SLC8B1: variants seen among roughly 807,000 people sequenced by gnomAD.
The protein encoded by SLC8B1 is solute carrier family 8 member B1.
Under a neutral mutation model 63.4 loss-of-function variants are expected in SLC8B1, and 52 were observed. The ratio of observed to expected loss-of-function variants is 0.82; its 90% confidence interval spans 0.66 to 1.03. The LOEUF (loss-of-function observed/expected upper bound fraction) is 1.03, where lower values mean the gene tolerates loss of function less well. SLC8B1 is among the 50% of genes least tolerant of loss of function. SLC8B1 has a pLI of 0.00. For missense variants in SLC8B1, 657 were observed against 741.7 expected (o/e 0.89, Z 1.33); for synonymous variants, 336 against 323.9 (o/e 1.04, Z -0.40).
chr12:113,319,193 C>T lies in SLC8B1; in HGVS notation c.695-122G>A, dbSNP rs373152909. The T allele has an allele frequency of 1.1e-3, 756 of 712,048 alleles. 15 individuals are homozygous for T. In the South Asian group the frequency reaches 0.012, roughly 11 times the overall value. 44.1% of individuals were successfully genotyped at this position (712,048 alleles called of 1,614,324 possible). A position where few individuals can be genotyped will look rare whatever the true frequency, so the allele number is the denominator to read the frequency against. The stretch of plus-strand genomic sequence containing the variant: ...CAATCTGTGTTAGCCCATCCAGGTA[C>T]CAGTGGGTAAATGGCCTTTTCCTTG... On this transcript the variant is annotated intron_variant, in intron 7 of 15. Transcript: ENST00000680972.
intron 13 of SLC8B1, 63 bp downstream of exon 13, chr12:113,307,628 G>C: frequency 1.3e-6 from 2 of 1,562,782 alleles, no homozygotes; most frequent in Non-Finnish European, 1.7e-6. Context: ...TCTGGCTGGG[G>C]GAGGAAAGAG....
At chr12:113,308,082 ACCGCCTG>A in intron 12 of SLC8B1, 2 of 426,916 alleles carry the variant, frequency 4.7e-6, no homozygotes, top group Admixed American at 4.2e-5. Flanking sequence ...ACGGTGGCTC[ACCGCCTG>A]TAATCGCAGC....
At chr12:113,315,540 T>C in intron 10 of SLC8B1, 64 bp from the exon 11 acceptor site, 1 of 1,472,012 alleles carries the variant, frequency 6.8e-7, no homozygotes, top group South Asian at 1.4e-5. Context: ...CGGCCACAGA[T>C]GGACTTCAGT....
intron 2 of SLC8B1, among the ~76,000 whole-genome samples, chr12:113,329,769 C>A (rs1250931937): frequency 2.6e-5 from 4 of 152,178 alleles, no homozygotes; most frequent in African/African-American, 9.7e-5. Context: ...CAACTCAATA[C>A]CTTGGAATTC....
chr12:113,311,449 C>CAA (rs796106526), intron 11 of SLC8B1, among the ~76,000 whole-genome samples: 13 of 141,972 alleles, frequency 9.2e-5, no homozygotes, highest in African/African-American at 3.3e-4. Flanking sequence ...GACTCCATCT[C>CAA]AAAAAAAAAA....
At chr12:113,326,683 CTTT>C (rs561363613) in intron 2 of SLC8B1, among the ~76,000 whole-genome samples, 1 of 144,772 alleles carries the variant, frequency 6.9e-6, no homozygotes, top group African/African-American at 2.5e-5. Flanking sequence ...CTTTCTCTCT[CTTT>C]TTTTTTTTTT....
chr12:113,329,251 G>A (rs1227023829), intron 2 of SLC8B1, among the ~76,000 whole-genome samples: 1 of 152,142 alleles, frequency 6.6e-6, no homozygotes, highest in Non-Finnish European at 1.5e-5. Context: ...AGGCAAAGTG[G>A]CTTGCCCAGG....
intron 15 of SLC8B1, 51 bp from the exon 16 acceptor site, chr12:113,300,025 C>A: frequency 6.4e-7 from 1 of 1,556,276 alleles, no homozygotes; most frequent in East Asian, 2.3e-5. Context: ...TCACAGGCCC[C>A]GCCCCGTCTG....
At chr12:113,317,214 C>T (rs1359586520) in intron 8 of SLC8B1, among the ~76,000 whole-genome samples, 3 of 152,146 alleles carry the variant, frequency 2.0e-5, no homozygotes, top group Non-Finnish European at 4.4e-5. Flanking sequence ...ATCCTCCCAC[C>T]TCAACCTCCC....
intron 8 of SLC8B1, among the ~76,000 whole-genome samples, chr12:113,317,301 G>A (rs544009806): frequency 7.9e-5 from 12 of 152,206 alleles, no homozygotes; most frequent in African/African-American, 2.9e-4. Flanking sequence ...TGTTGGCCTG[G>A]CTGGTCTCAA....
intron 2 of SLC8B1, among the ~76,000 whole-genome samples, chr12:113,332,421 T>A (rs1957068989): frequency 6.6e-6 from 1 of 152,168 alleles, no homozygotes; most frequent in South Asian, 2.1e-4. Context: ...CCTGCCACCA[T>A]GCCCAGCTAA....
rs150854719 is a variant in SLC8B1 at position 113,299,824 on chromosome 12, C to A, written c.1708G>T (p.Val570Leu). The change falls in exon 16 of 16, where the codon GTG becomes TTG. Residue 570 changes from valine (V) to leucine (L), a missense_variant. By Grantham distance (32) the Val-to-Leu change is conservative. Coordinates refer to ENST00000680972, the MANE Select transcript of SLC8B1 (RefSeq NM_001358345.2). ...ACTCCAAATTCAGTGAGGAGGGCCA[C>A]GACAAGGAAGTTCAGGTAGAAGAGG... ...LLLFYLNFLV[V>L]ALLTEFGVIH... The A allele has an allele frequency of 1.2e-6, 2 of 1,614,178 alleles. No individual in the cohort carries two copies. The highest frequency in any genetic ancestry group is 1.7e-6 in the Non-Finnish European group (2 of 1,180,042).
Position 113,316,536 on chromosome 12 carries a change from T to C in SLC8B1, c.983A>G (p.Lys328Arg), listed in dbSNP as rs748301456. Residue 328 changes from lysine to arginine, a missense_variant, in exon 10 of 16, where the codon AAG (lysine) becomes AGG (arginine). By Grantham distance (26) the Lys-to-Arg change is conservative. Transcript: ENST00000680972. ...RRKSAYWKAL[K>R]VFKLPVEFLL... The stretch of plus-strand genomic sequence containing the variant: ...CCAGGACCCTCCTACCTTGAACACC[T>C]TGAGGGCTTTCCAGTATGCTGATTT... 8.7e-6 allele frequency: 14 copies of C among 1,614,096 alleles called. No homozygotes were observed. Among genetic ancestry groups the C allele is most frequent in the Non-Finnish European group, 7.6e-6 (9 of 1,179,954 alleles).
Position 113,331,223 on chromosome 12 carries a change from C to G in SLC8B1, c.156+1500G>C, listed in dbSNP as rs564717999. 2.5e-4 allele frequency among the ~76,000 whole-genome samples: 38 copies of G among 151,882 alleles called. No individual in the cohort carries two copies. The South Asian group carries it at 6.0e-3, about 24-fold the overall frequency. ...CCAACATGGTGAAACCCTGTTTCTA[C>G]TAAAAATACAAAAAAATTAGCCAGG... is the stretch of plus-strand genomic sequence containing the variant. On this transcript the variant is annotated intron_variant, in intron 2 of 15. Transcript: ENST00000680972.
rs1956529527 is a variant in SLC8B1, at chr12:113,299,126, C to G, written c.*651G>C. 1 of 153,764 alleles carries G rather than the reference C, an allele frequency of 6.5e-6. No individual in the cohort carries two copies. The highest frequency in any genetic ancestry group is 2.4e-5 in the African/African-American group (1 of 41,480). The allele number at this position is 153,764 out of a possible 1,614,324, so 9.5% of individuals were successfully genotyped here. On this transcript the variant is annotated 3_prime_UTR_variant, in exon 16 of 16. Coordinates refer to ENST00000680972, the MANE Select transcript of SLC8B1 (RefSeq NM_001358345.2). ...TGTGGCAGCTGCTGGCGTAGCAGTG[C>G]CTCGGGCTGGCATCGTTTTGGAAGC...
At chr12:113,316,759 G>A in intron 9 of SLC8B1, 103 bp from the exon 10 acceptor site, 2 of 1,547,172 alleles carry the variant, frequency 1.3e-6, no homozygotes, top group Non-Finnish European at 8.8e-7. Context: ...TAAAGGAGGA[G>A]ACAAAGCCCA....
At chr12:113,331,182 T>A (rs1302895701) in intron 2 of SLC8B1, among the ~76,000 whole-genome samples, 1 of 151,212 alleles carries the variant, frequency 6.6e-6, no homozygotes, top group Non-Finnish European at 1.5e-5. Flanking sequence ...AGGGTGGGAG[T>A]TCAATACCAG....
Position 113,307,725 on chromosome 12 carries a change from C to T in SLC8B1, c.1377G>A (p.Gly459=). The change falls in exon 13 of 16, where the codon GGG becomes GGA. Residue 459 remains glycine (G), a synonymous_variant. Transcript: ENST00000680972. The part of the protein sequence containing the change: ...VVFRLSNTVL[G]LTLLAWGNSI... ...TGTTCCCCCAGGCCAGCAGCGTGAG[C>T]CCCAGCACAGTGTTGCTCAGCCGGA... 6.2e-7 allele frequency: 1 copy of T among 1,614,068 alleles called. No homozygotes were observed. Among genetic ancestry groups the T allele is most frequent in the Admixed American group, 1.7e-5 (1 of 60,024 alleles).
rs1566226519 is a variant in SLC8B1, at chr12:113,307,703, T to TCCC, written c.1396_1398dup (p.Gly466dup). ...AGCCCTGAGTCACCTCCAATGCTGT[T>TCCC]CCCCCAGGCCAGCAGCGTGAGCCCC... is the stretch of plus-strand genomic sequence containing the variant. On this transcript the variant is annotated inframe_insertion, in exon 13 of 16. Transcript: ENST00000680972. 8.7e-6 allele frequency: 14 copies of TCCC among 1,613,552 alleles called. No individual in the cohort carries two copies. The highest frequency in any genetic ancestry group is 1.2e-5 in the Non-Finnish European group (14 of 1,179,882).
Sources: allele counts gnomAD v4.1 joint callset (sites outside exome capture counted in the v4.1 genomes callset), GRCh38; gene constraint gnomAD v4.1.1; transcripts MANE v1.5; gene names NCBI Gene and HGNC (gene_info 2026-07-23, HGNC 2026-07-21).